COL12A1: variants seen among roughly 807,000 people sequenced by gnomAD.
COL12A1 encodes collagen type XII alpha 1 chain, also known as collagen alpha-1(XII) chain.
COL12A1 carries 114 observed loss-of-function variants against 349.7 expected under a neutral mutation model. The observed-to-expected ratio is 0.33, with a 90% CI of 0.28 to 0.38. The LOEUF is 0.38. Among genes scored for constraint, COL12A1 ranks in the 10% least tolerant of loss-of-function variants. The probability of loss-of-function intolerance (pLI) is 1.00; values close to 1 mark genes in which losing one functional copy is unlikely to be tolerated. For missense variants in COL12A1, 3,284 were observed against 3,756.9 expected, an observed-to-expected ratio of 0.87 and a Z score of 3.29; for synonymous variants, 1,369 against 1,329.0, an observed-to-expected ratio of 1.03 and a Z score of -0.66.
chr6:75,163,407 CA>C (rs1299228614), intron 14 of COL12A1, among the ~76,000 whole-genome samples: 4 of 152,068 alleles, frequency 2.6e-5, no homozygotes, highest in African/African-American at 9.7e-5. Flanking sequence ...CATACTAATG[CA>C]AGAACAGAAA....
rs371767808 is a variant in COL12A1, at chr6:75,110,108, A to G, written c.7951-941T>C. Among the ~76,000 whole-genome samples the G allele has an allele frequency of 3.4e-4, 51 of 152,210 alleles. 1 individual carries two copies. In the East Asian group the frequency reaches 4.4e-3, roughly 13 times the overall value. On this transcript the variant is annotated intron_variant, in intron 51 of 65. Transcript: ENST00000322507. ...AATATAAATTCCATATTTCTTTTAT[A>G]TAAAAGTAATACATAACTTACCAAA... is the stretch of plus-strand genomic sequence containing the variant.
At chr6:75,129,267 G>A (rs575461902) in intron 37 of COL12A1, among the ~76,000 whole-genome samples, 2 of 152,220 alleles carry the variant, frequency 1.3e-5, no homozygotes, top group South Asian at 4.1e-4. Flanking sequence ...AATAAAAATA[G>A]GGACTTGAAT....
rs749610874 is a variant in COL12A1 at position 75,130,865 on chromosome 6, G to A, written c.6054C>T (p.Ala2018=). 2.5e-6 allele frequency: 4 copies of A among 1,613,876 alleles called. No individual in the cohort carries two copies. In the African/African-American group the frequency reaches 5.3e-5, roughly 22 times the overall value. Residue 2018 remains alanine, a synonymous_variant, in exon 36 of 66, where the codon GCC becomes GCT. Coordinates refer to ENST00000322507, the MANE Select transcript of COL12A1 (RefSeq NM_004370.6). ...YSDGEGNPSP[A]QGRTLPRSGP... ...TTTCTGCCTCACGCGTTCGGCCCTG[G>A]GCAGGGCTGGGATTTCCCTCTCCAT... is the stretch of plus-strand genomic sequence containing the variant.
At chr6:75,178,086 C>A (rs539982028) in intron 11 of COL12A1, 151 bp from the exon 12 acceptor site, 57 of 703,888 alleles carry the variant, frequency 8.1e-5, no homozygotes, top group African/African-American at 8.0e-4. Flanking sequence ...TTTCTGTACT[C>A]ATTTAGCCAG....
At chr6:75,164,408 T>C (rs658592) in intron 14 of COL12A1, among the ~76,000 whole-genome samples, 9,685 of 152,208 alleles carry the variant, frequency 0.064, 796 homozygotes, top group African/African-American at 0.19. Flanking sequence ...AATTCCTCTA[T>C]TTCTTTTTTA....
chr6:75,128,814 G>A (rs1310160111), intron 37 of COL12A1, among the ~76,000 whole-genome samples: 2 of 152,160 alleles, frequency 1.3e-5, no homozygotes, highest in East Asian at 3.9e-4. Context: ...TATGTACCCA[G>A]TACCCGCTGT....
Position 75,165,709 on chromosome 6 carries a change from A to C in COL12A1, c.2781T>G (p.Ser927=). 1 of 1,614,000 alleles carries C rather than the reference A, an allele frequency of 6.2e-7. No individual in the cohort carries two copies. The stretch of plus-strand genomic sequence containing the variant: ...TGTAACCGCGAACCATTCCTGGAGC[A>C]GATGTCCAATAAGCCCCAATTGATG... ...TDTSIGAYWT[S]APGMVRGYRV... Residue 927 remains serine (S), a synonymous_variant, in exon 14 of 66, where the codon TCT becomes TCG. Transcript: ENST00000322507.
intron 13 of COL12A1, among the ~76,000 whole-genome samples, chr6:75,172,792 G>A (rs1262636981): frequency 2.0e-5 from 3 of 152,058 alleles, no homozygotes; most frequent in Non-Finnish European, 4.4e-5. Flanking sequence ...TGACAGCATG[G>A]GTTTGCACTG....
In COL12A1 at chr6:75,105,669, G is replaced by C. The variant is rs1457985643; in HGVS notation, c.8179-377C>G. On this transcript the variant is annotated intron_variant, in intron 53 of 65. Transcript: ENST00000322507. ...TTGTTTTGTCCTTCACTTCATTCAGGTCTCTGCTTAAATCTCCCCTTATCA... is the reference window on the plus strand; with the variant it reads ...TTGTTTTGTCCTTCACTTCATTCAGCTCTCTGCTTAAATCTCCCCTTATCA... 3.9e-5 allele frequency among the ~76,000 whole-genome samples: 6 copies of C among 151,936 alleles called. No homozygotes were observed. In the East Asian group the frequency reaches 9.6e-4, roughly 24 times the overall value.
At chr6:75,130,375 T>C in intron 36 of COL12A1, 142 bp from the exon 37 acceptor site, 2 of 876,648 alleles carry the variant, frequency 2.3e-6, no homozygotes, top group Non-Finnish European at 3.4e-6. Context: ...TTTATGGTTT[T>C]AATGTGAAAT....
chr6:75,177,081 C>T (rs1452786033), intron 12 of COL12A1, among the ~76,000 whole-genome samples: 1 of 152,168 alleles, frequency 6.6e-6, no homozygotes, highest in East Asian at 1.9e-4. Flanking sequence ...TCAATTCACA[C>T]TAAAACATTT....
intron 13 of COL12A1, among the ~76,000 whole-genome samples, chr6:75,174,580 T>C (rs1022403711): frequency 2.0e-5 from 3 of 152,112 alleles, no homozygotes; most frequent in Admixed American, 6.5e-5. Context: ...ACTTGGATTC[T>C]TATATTTCTT....
chr6:75,205,978 G>T lies in COL12A1; in HGVS notation c.-237C>A. On this transcript the variant is annotated 5_prime_UTR_variant, in exon 1 of 66. In the 5' UTR this introduces an upstream ATG that the reference lacks. Transcript: ENST00000322507. ...CCCAGGAGGAGAGGCGGGCGCGGCA[G>T]GAAGACTGGAGATGGCCTGAGCCTG... The T allele has an allele frequency of 6.5e-6, 1 of 153,200 alleles. No homozygotes were observed. Among genetic ancestry groups the T allele is most frequent in the Non-Finnish European group, 1.5e-5 (1 of 68,750 alleles). 9.5% of individuals were successfully genotyped at this position (153,200 alleles called of 1,614,324 possible).
intron 2 of COL12A1, among the ~76,000 whole-genome samples, chr6:75,196,344 T>C (rs936347417): frequency 1.3e-5 from 2 of 152,216 alleles, no homozygotes; most frequent in Non-Finnish European, 2.9e-5. Flanking sequence ...TAAAATACAC[T>C]AGCAGCTTTG....
chr6:75,151,028 T>A, intron 21 of COL12A1, 113 bp downstream of exon 21: 1 of 869,420 alleles, frequency 1.2e-6, no homozygotes, highest in Non-Finnish European at 1.7e-6. Context: ...CCTTTCACAC[T>A]GCTAAACATT....
intron 59 of COL12A1, among the ~76,000 whole-genome samples, chr6:75,096,895 CAAAAAAAAAAAA>C (rs35243223): frequency 1.4e-5 from 1 of 73,260 alleles, no homozygotes; most frequent in South Asian, 5.4e-4. Context: ...GACTCCGTCT[CAAAAAAAAAAAA>C]AAAAAAAAAA....
In COL12A1 at chr6:75,133,370, T is replaced by C. The variant is rs1211706296; in HGVS notation, c.5717A>G (p.Asp1906Gly). ...AACTACAGTCACAGTGTATGAGGTA[T>C]CTGGCTGCAGATTCCTAAGAATGGC... is the stretch of plus-strand genomic sequence containing the variant. Reference protein sequence around the residue: ...NYAILRNLQPDTSYTVTVVPV... With the variant: ...NYAILRNLQPGTSYTVTVVPV... The change falls in exon 34 of 66, where the codon GAT (aspartate) becomes GGT (glycine). Residue 1906 changes from aspartate to glycine, a missense_variant. By Grantham distance (94) the Asp-to-Gly change is moderately conservative (BLOSUM62 -1). Coordinates refer to ENST00000322507, the MANE Select transcript of COL12A1 (RefSeq NM_004370.6). 1 of 1,613,188 alleles carries C rather than the reference T, an allele frequency of 6.2e-7. No individual in the cohort carries two copies. Among genetic ancestry groups the C allele is most frequent in the Non-Finnish European group, 8.5e-7 (1 of 1,179,562 alleles).
chr6:75,095,286 A>C, intron 59 of COL12A1, 107 bp from the exon 60 acceptor site: 1 of 810,016 alleles, frequency 1.2e-6, no homozygotes, highest in Non-Finnish European at 2.0e-6. Flanking sequence ...ACAACTCATA[A>C]TTACACATTC....
intron 64 of COL12A1, among the ~76,000 whole-genome samples, chr6:75,088,893 C>T (rs911108768): frequency 3.8e-4 from 58 of 151,472 alleles, no homozygotes; most frequent in Admixed American, 1.8e-3. Context: ...CCCAGCTACT[C>T]GGGAGGCTGA....
Sources: allele counts gnomAD v4.1 joint callset (sites outside exome capture counted in the v4.1 genomes callset), GRCh38; gene constraint gnomAD v4.1.1; transcripts MANE v1.5; gene names NCBI Gene and HGNC (gene_info 2026-07-23, HGNC 2026-07-21).